SZT2: variants seen among roughly 807,000 people sequenced by gnomAD.
SZT2 encodes the protein SZT2 subunit of KICSTOR complex, also known as KICSTOR complex protein SZT2.
A neutral mutation model predicts 404.2 loss-of-function variants in SZT2; 216 were observed. The observed-to-expected ratio is 0.53, with a 90% CI of 0.48 to 0.60. The LOEUF is 0.60. Ranked by LOEUF, SZT2 falls within the 20% of genes least tolerant of loss-of-function variation. The probability of loss-of-function intolerance (pLI) is 0.00; values close to 1 mark genes in which losing one functional copy is unlikely to be tolerated. For synonymous variants in SZT2, 1,693 were observed against 1,749.9 expected, an observed-to-expected ratio of 0.97 and a Z score of 0.81; for missense variants, 3,857 against 4,459.2, an observed-to-expected ratio of 0.86 and a Z score of 3.85.
chr1:43,430,867 G>A, intron 32 of SZT2, 78 bp downstream of exon 32: 1 of 1,582,408 alleles, frequency 6.3e-7, no homozygotes, highest in East Asian at 2.2e-5. Flanking sequence ...GGAGCCTAGG[G>A]TTATGTCTTT....
In SZT2 at chr1:43,453,312, C is replaced by G. The variant is rs1309910432; in HGVS notation, c.*2832C>G. 12 of 950,760 alleles carry G rather than the reference C, an allele frequency of 1.3e-5. No individual in the cohort carries two copies. The highest frequency in any genetic ancestry group is 1.7e-5 in the Non-Finnish European group (11 of 635,764). 58.9% of individuals were successfully genotyped at this position (950,760 alleles called of 1,614,324 possible). On this transcript the variant is annotated 3_prime_UTR_variant, in exon 72 of 72. Coordinates refer to ENST00000634258, the MANE Select transcript of SZT2 (RefSeq NM_001365999.1). ...GCTCAGACTTCTGAGCGTCTCAGATCTGGCGTCCTCGACTCCCTGAACCTG... is the reference window on the plus strand; with the variant it reads ...GCTCAGACTTCTGAGCGTCTCAGATGTGGCGTCCTCGACTCCCTGAACCTG...
chr1:43,424,182 G>T lies in SZT2; in HGVS notation c.2256-35G>T. 1 of 1,572,442 alleles carries T rather than the reference G, an allele frequency of 6.4e-7. No individual in the cohort carries two copies. Among genetic ancestry groups the T allele is most frequent in the South Asian group, 1.1e-5 (1 of 88,826 alleles). ...GGAAGGGCGTGGCTTAGCCGGGGAT[G>T]AGAGAGATAGCTGGGGAGTTGTCCC... On this transcript the variant is annotated intron_variant, in intron 15 of 71. Transcript: ENST00000634258. The surrounding 1 kb of genome is among the most constrained non-coding windows in gnomAD (Gnocchi z 4.1).
chr1:43,448,083 C>T lies in SZT2; in HGVS notation c.9568C>T (p.Gln3190Ter). Residue 3190 changes from glutamine to a stop codon, truncating the protein, a stop_gained, in exon 69 of 72, where the codon CAG (glutamine) becomes TAG (stop). Coordinates refer to ENST00000634258, the MANE Select transcript of SZT2 (RefSeq NM_001365999.1). LOFTEE classifies it high-confidence loss of function. The surrounding 1 kb of genome is among the most constrained non-coding windows in gnomAD (Gnocchi z 4.2). Reference protein sequence around the residue: ...GEAERHVLRLQFFVVLTSQRE... With the variant: ...GEAERHVLRL ...CTGCCCTGCTCCCCACCCCAGGCTACAGTTCTTCGTGGTGCTCACCAGCCA... is the reference window on the plus strand; with the variant it reads ...CTGCCCTGCTCCCCACCCCAGGCTATAGTTCTTCGTGGTGCTCACCAGCCA... 2 of 1,597,524 alleles carry T rather than the reference C, an allele frequency of 1.3e-6. No homozygotes were observed. The highest frequency in any genetic ancestry group is 1.7e-6 in the Non-Finnish European group (2 of 1,168,930).
At chr1:43,404,577 A>T in intron 4 of SZT2, 27 bp downstream of exon 4, 1 of 1,597,230 alleles carries the variant, frequency 6.3e-7, no homozygotes, top group Non-Finnish European at 8.6e-7. Context: ...CCAAGTTTGT[A>T]CCCTCAGACC....
rs772107902 is a variant in SZT2, at chr1:43,440,018, G to A, written c.7180G>A (p.Ala2394Thr). 6.2e-7 allele frequency: 1 copy of A among 1,614,094 alleles called. No individual in the cohort carries two copies. Among genetic ancestry groups the A allele is most frequent in the South Asian group, 1.1e-5 (1 of 91,076 alleles). ...DAIIELQLLPASLCTEDTPTG... is the reference protein window; with the variant it reads ...DAIIELQLLPTSLCTEDTPTG... ...CATCATCGAGCTTCAGCTGCTGCCA[G>A]CTTCACTATGTACAGAGGACACACC... The change falls in exon 51 of 72, where the codon GCT becomes ACT. Residue 2394 changes from alanine to threonine, a missense_variant. By Grantham distance (58) the Ala-to-Thr change is moderately conservative (BLOSUM62 0). Coordinates refer to ENST00000634258, the MANE Select transcript of SZT2 (RefSeq NM_001365999.1).
intron 7 of SZT2, among the ~76,000 whole-genome samples, chr1:43,419,049 G>A (rs1652026787): frequency 6.6e-6 from 1 of 152,194 alleles, no homozygotes; most frequent in Admixed American, 6.5e-5. Flanking sequence ...GAGTAATCTG[G>A]AGCAGGTCTG....
chr1:43,443,392 T>A lies in SZT2; in HGVS notation c.8540T>A (p.Val2847Glu), dbSNP rs1655294394. The change falls in exon 61 of 72, where the codon GTG (valine) becomes GAG (glutamate). Residue 2847 changes from valine to glutamate, a missense_variant. Physicochemically the swap from Val to Glu is moderately radical, Grantham distance 121. This residue lies in a region of SZT2 where 717 missense variants were observed against 868.2 expected (regional missense o/e 0.83). Coordinates refer to ENST00000634258, the MANE Select transcript of SZT2 (RefSeq NM_001365999.1). Reference protein sequence around the residue: ...LETLKQSSRLVHYCATAMLFD... With the variant: ...LETLKQSSRLEHYCATAMLFD... ...ACCCTGAAGCAGTCATCCCGCCTGG[T>A]GCATTACTGTGCAACAGCCATGCTC... 6.2e-7 allele frequency: 1 copy of A among 1,614,054 alleles called. No homozygotes were observed. Among genetic ancestry groups the A allele is most frequent in the African/African-American group, 1.3e-5 (1 of 74,934 alleles).
At position 43,451,860 on chromosome 1, in the gene SZT2, C is replaced by A; in HGVS notation, c.*1380C>A. 6.2e-7 allele frequency: 1 copy of A among 1,614,004 alleles called. No individual in the cohort carries two copies. The highest frequency in any genetic ancestry group is 8.5e-7 in the Non-Finnish European group (1 of 1,179,962). The stretch of plus-strand genomic sequence containing the variant: ...AAGATGGCTGCCGCTGTAAGAGAAG[C>A]CAGGGAGGGGACCGTGAGCCTCAAG... On this transcript the variant is annotated 3_prime_UTR_variant, in exon 72 of 72. Transcript: ENST00000634258.
chr1:43,425,677 C>T lies in SZT2; in HGVS notation c.2814+35C>T. Reference sequence around the variant, plus strand: ...CTCAGAACAGTACCCGCACCTCTCTCACTGGATTGGGGTGCCATCTCTTTT... The same window carrying T: ...CTCAGAACAGTACCCGCACCTCTCTTACTGGATTGGGGTGCCATCTCTTTT... On this transcript the variant is annotated intron_variant, in intron 19 of 71. Transcript: ENST00000634258. The surrounding 1 kb of genome is among the most constrained non-coding windows in gnomAD (Gnocchi z 4.3). 1.2e-6 allele frequency: 2 copies of T among 1,610,122 alleles called. No individual in the cohort carries two copies. Among genetic ancestry groups the T allele is most frequent in the Non-Finnish European group, 1.7e-6 (2 of 1,177,722 alleles).
rs1409079495 is a variant in SZT2 at position 43,439,563 on chromosome 1, T to C, written c.6878-42T>C. The C allele has an allele frequency of 1.2e-6, 2 of 1,611,976 alleles. No individual in the cohort carries two copies. The highest frequency in any genetic ancestry group is 1.1e-5 in the South Asian group (1 of 90,816). ...GTGGAGGGTCGTGGGAGGGGTGGTC[T>C]GCAAGTCCCAGAGCTGAGCCTTCCT... On this transcript the variant is annotated intron_variant, in intron 49 of 71. Transcript: ENST00000634258. This position sits in a 1 kb window ranked among gnomAD's most constrained non-coding sequence, Gnocchi z 4.2.
At chr1:43,430,219 G>C in intron 30 of SZT2, 92 bp from the exon 31 acceptor site, 2 of 1,547,178 alleles carry the variant, frequency 1.3e-6, no homozygotes, top group Non-Finnish European at 1.8e-6. Context: ...CTTAGATCAA[G>C]CTGTCTAAGG....
Position 43,442,637 on chromosome 1 carries a change from C to T in SZT2, c.8151+19C>T, listed in dbSNP as rs758725711. The T allele has an allele frequency of 6.3e-7, 1 of 1,580,880 alleles. No homozygotes were observed. Among genetic ancestry groups the T allele is most frequent in the East Asian group, 2.2e-5 (1 of 44,450 alleles). On this transcript the variant is annotated intron_variant, in intron 58 of 71. Coordinates refer to ENST00000634258, the MANE Select transcript of SZT2 (RefSeq NM_001365999.1). This position sits in a 1 kb window ranked among gnomAD's most constrained non-coding sequence, Gnocchi z 4.5. The stretch of plus-strand genomic sequence containing the variant: ...TGAAAAGGTGCCTGCTGCTCTGGTT[C>T]TTCCTATAGTTTTGGCTACTGAGGG...
In SZT2 at chr1:43,451,698, A is replaced by T; in HGVS notation, c.*1218A>T. 1 of 1,614,166 alleles carries T rather than the reference A, an allele frequency of 6.2e-7. No homozygotes were observed. On this transcript the variant is annotated 3_prime_UTR_variant, in exon 72 of 72. Coordinates refer to ENST00000634258, the MANE Select transcript of SZT2 (RefSeq NM_001365999.1). Reference sequence around the variant, plus strand: ...GTTTCCTGTCAGGTTCCCATCCATGATCTGCCAGTGGAATATGTCCTAGGG... The same window carrying T: ...GTTTCCTGTCAGGTTCCCATCCATGTTCTGCCAGTGGAATATGTCCTAGGG...
chr1:43,419,676 T>C (rs1003231709), intron 7 of SZT2, 58 bp from the exon 8 acceptor site: 47 of 1,429,688 alleles, frequency 3.3e-5, no homozygotes, highest in Non-Finnish European at 4.3e-5. Flanking sequence ...TTCTCTCCTG[T>C]TCTTCCTTCT....
rs745588596 is a variant in SZT2, at chr1:43,434,393, A to G, written c.5812A>G (p.Ile1938Val). ...ATTATCCTTCCTTCCCAGGAGCCTG[A>G]TTCGGGAGGATGGGGGGCCGGGCAC... ...VEVYAHARSLIREDGGPGTEC... is the reference protein window; with the variant it reads ...VEVYAHARSLVREDGGPGTEC... Residue 1938 changes from isoleucine (I) to valine (V), a missense_variant, in exon 41 of 72, where the codon ATT (isoleucine) becomes GTT (valine). This residue lies in a region of SZT2 where 1,725 missense variants were observed against 1,881.0 expected (regional missense o/e 0.92). Transcript: ENST00000634258. The G allele has an allele frequency of 4.4e-6, 7 of 1,593,082 alleles. No individual in the cohort carries two copies. Among genetic ancestry groups the G allele is most frequent in the South Asian group, 1.2e-5 (1 of 86,708 alleles).
At position 43,447,964 on chromosome 1, in the gene SZT2, G is replaced by T. The variant is rs538213087; in HGVS notation, c.9556G>T (p.Val3186Phe). 11 of 1,613,788 alleles carry T rather than the reference G, an allele frequency of 6.8e-6. No homozygotes were observed. Among genetic ancestry groups the T allele is most frequent in the Non-Finnish European group, 9.3e-6 (11 of 1,180,012 alleles). The change falls in exon 68 of 72, where the codon GTT becomes TTT. Residue 3186 changes from valine (V) to phenylalanine (F), a missense_variant. By Grantham distance (50) the Val-to-Phe change is conservative (BLOSUM62 -1). Around this residue, in one of 7 missense-constraint regions of SZT2, gnomAD observed 717 missense variants for 868.2 expected, o/e 0.83. Coordinates refer to ENST00000634258, the MANE Select transcript of SZT2 (RefSeq NM_001365999.1). Reference protein sequence around the residue: ...FEEQGEAERHVLRLQFFVVLT... With the variant: ...FEEQGEAERHFLRLQFFVVLT... ...GGAGCAAGGAGAGGCTGAGCGGCAC[G>T]TTCTGCGGTCAGCAGATCCCCTACC... is the stretch of plus-strand genomic sequence containing the variant.
Position 43,433,002 on chromosome 1 carries a change from C to A in SZT2, c.5616C>A (p.Gly1872=), listed in dbSNP as rs780032077. The A allele has an allele frequency of 6.2e-7, 1 of 1,614,038 alleles. No individual in the cohort carries two copies. Among genetic ancestry groups the A allele is most frequent in the Admixed American group, 1.7e-5 (1 of 60,028 alleles). Residue 1872 remains glycine (G), a synonymous_variant, in exon 40 of 72, where the codon GGC becomes GGA. Coordinates refer to ENST00000634258, the MANE Select transcript of SZT2 (RefSeq NM_001365999.1). ...VDSDHLGYDG[G]SSGSDSEGPN... ...CATCTGACACAGGTTATGATGGTGGCAGCAGTGGCTCAGACAGTGAGGGTC... is the reference window on the plus strand; with the variant it reads ...CATCTGACACAGGTTATGATGGTGGAAGCAGTGGCTCAGACAGTGAGGGTC...
chr1:43,399,206 T>G (rs1205015673), intron 1 of SZT2, among the ~76,000 whole-genome samples: 1 of 152,262 alleles, frequency 6.6e-6, no homozygotes, highest in Non-Finnish European at 1.5e-5. Flanking sequence ...ACCAGTTCTT[T>G]TCTGTCCTAT....
chr1:43,412,683 CAAT>C (rs1394670955), intron 4 of SZT2: 4 of 151,860 alleles, frequency 2.6e-5, no homozygotes, highest in Admixed American at 2.0e-4. Context: ...GCAAAGGAAA[CAAT>C]AAACAAAGTG....
Sources: allele counts gnomAD v4.1 joint callset (sites outside exome capture counted in the v4.1 genomes callset), GRCh38; gene constraint gnomAD v4.1.1; regional missense constraint gnomAD v4.1.1; non-coding constraint Gnocchi (gnomAD v3.1); transcripts MANE v1.5; gene names NCBI Gene and HGNC (gene_info 2026-07-23, HGNC 2026-07-21).